TTBK2: variants seen among roughly 807,000 people sequenced by gnomAD.
TTBK2 encodes tau tubulin kinase 2.
Under a neutral mutation model 110.8 loss-of-function variants are expected in TTBK2, and 28 were observed. The ratio of observed to expected loss-of-function variants is 0.25; its 90% confidence interval spans 0.19 to 0.35. The LOEUF (loss-of-function observed/expected upper bound fraction) is 0.35, where lower values mean the gene tolerates loss of function less well. Ranked by LOEUF, TTBK2 falls within the 10% of genes least tolerant of loss-of-function variation. The pLI is 1.00. For synonymous variants in TTBK2, 532 were observed against 527.3 expected, an observed-to-expected ratio of 1.01 and a Z score of -0.12; for missense variants, 1,369 against 1,500.3, an observed-to-expected ratio of 0.91 and a Z score of 1.45.
chr15:42,802,828 C>T (rs928327666), intron 9 of TTBK2, among the ~76,000 whole-genome samples: 6 of 152,188 alleles, frequency 3.9e-5, no homozygotes, highest in Admixed American at 6.5e-5. Flanking sequence ...ACATTTGAAT[C>T]AGTGGGCTGG....
chr15:42,911,897 G>A (rs978190159), intron 1 of TTBK2, among the ~76,000 whole-genome samples: 1 of 152,144 alleles, frequency 6.6e-6, no homozygotes, highest in Non-Finnish European at 1.5e-5. Flanking sequence ...CCAGGCCACA[G>A]TGGAAGAACT....
chr15:42,783,384 GA>G (rs774323500), intron 11 of TTBK2, 34 bp downstream of exon 11: 2 of 1,599,868 alleles, frequency 1.3e-6, no homozygotes, highest in Non-Finnish European at 1.7e-6. Flanking sequence ...TGAACTGTAA[GA>G]AATAAATTTC....
chr15:42,845,308 G>A (rs1297469075), intron 3 of TTBK2, among the ~76,000 whole-genome samples: 1 of 152,100 alleles, frequency 6.6e-6, no homozygotes, highest in African/African-American at 2.4e-5. Context: ...TGGTATCCAT[G>A]GAGGACTGGT....
chr15:42,851,887 C>T (rs184536802), intron 3 of TTBK2, among the ~76,000 whole-genome samples: 14 of 152,132 alleles, frequency 9.2e-5, no homozygotes, highest in Admixed American at 7.9e-4. Flanking sequence ...ACCATTTACA[C>T]TCTTAAAAAT....
rs567972612 is a variant in TTBK2 at position 42,766,446 on chromosome 15, C to CAAAAAAAAAAAAAAAAAAAAAAA, written c.1998+8688_1998+8689insTTTTTTTTTTTTTTTTTTTTTTT. ...GAAGATCTACCAAGCGAATGGAAAG[C>CAAAAAAAAAAAAAAAAAAAAAAA]AAAAAAAAAAAAAAAAAAAAAGCAA... On this transcript the variant is annotated intron_variant, in intron 13 of 14. Transcript: ENST00000267890. Among the ~76,000 whole-genome samples, 4 of 30,858 alleles carry CAAAAAAAAAAAAAAAAAAAAAAA rather than the reference C, an allele frequency of 1.3e-4. 1 individual carries two copies. The highest frequency in any genetic ancestry group is 9.7e-4 in the African/African-American group (3 of 3,084). The allele number at this position is 30,858 out of a possible 152,430, so 20.2% of individuals were successfully genotyped here.
intron 9 of TTBK2, among the ~76,000 whole-genome samples, chr15:42,798,032 C>T (rs552784741): frequency 1.9e-3 from 290 of 152,186 alleles, no homozygotes; most frequent in African/African-American, 6.8e-3. Context: ...TACAGGCACA[C>T]GCCACCATGC....
intron 1 of TTBK2, among the ~76,000 whole-genome samples, chr15:42,916,318 T>C (rs1359699798): frequency 3.3e-5 from 5 of 152,166 alleles, no homozygotes; most frequent in Non-Finnish European, 5.9e-5. Flanking sequence ...TTATTGGTCA[T>C]TGAAAAATGT....
At position 42,810,863 on chromosome 15, in the gene TTBK2, G is replaced by A. The variant is rs970082232; in HGVS notation, c.697-124C>T. On this transcript the variant is annotated intron_variant, in intron 8 of 14. Coordinates refer to ENST00000267890, the MANE Select transcript of TTBK2 (RefSeq NM_173500.4). ...GAGATAGTGGGTAATTAAGCATAAAGCAAGAACTGAGCTCTTACTAACAGC... is the reference window on the plus strand; with the variant it reads ...GAGATAGTGGGTAATTAAGCATAAAACAAGAACTGAGCTCTTACTAACAGC... The A allele has an allele frequency of 8.0e-6, 9 of 1,131,764 alleles. No individual in the cohort carries two copies. The African/African-American group carries it at 1.2e-4, about 16-fold the overall frequency. 70.1% of individuals were successfully genotyped at this position (1,131,764 alleles called of 1,614,324 possible).
intron 4 of TTBK2, among the ~76,000 whole-genome samples, chr15:42,831,408 C>T (rs1459628965): frequency 6.6e-6 from 1 of 152,046 alleles, no homozygotes; most frequent in East Asian, 1.9e-4. Context: ...AGGTACTCAA[C>T]ATATGCTAAC....
chr15:42,823,240 G>T (rs570845920), intron 6 of TTBK2, among the ~76,000 whole-genome samples: 1 of 152,252 alleles, frequency 6.6e-6, no homozygotes, highest in East Asian at 1.9e-4. Flanking sequence ...CCAGCTGAAG[G>T]GCTGAAACTG....
chr15:42,801,106 A>G lies in TTBK2; in HGVS notation c.823-6305T>C, dbSNP rs1387634611. 9.4e-6 allele frequency: 8 copies of G among 849,660 alleles called. No individual in the cohort carries two copies. The East Asian group carries it at 1.9e-4, about 20-fold the overall frequency. 52.6% of individuals were successfully genotyped at this position (849,660 alleles called of 1,614,324 possible). A position where few individuals can be genotyped will look rare whatever the true frequency, so the allele number is the denominator to read the frequency against. On this transcript the variant is annotated intron_variant, in intron 9 of 14. Coordinates refer to ENST00000267890, the MANE Select transcript of TTBK2 (RefSeq NM_173500.4). The stretch of plus-strand genomic sequence containing the variant: ...GAGCCAAAGCTGGAGCCCAGGCCGT[A>G]GCTGAGGCCAGGGCTTGTGAGGCCC...
intron 13 of TTBK2, among the ~76,000 whole-genome samples, chr15:42,760,027 G>T (rs1209298001): frequency 9.2e-5 from 14 of 152,170 alleles, no homozygotes; most frequent in Non-Finnish European, 5.9e-5. Flanking sequence ...AACAATTCAT[G>T]ATTTCAATGA....
At chr15:42,770,897 T>C (rs1331921956) in intron 13 of TTBK2, among the ~76,000 whole-genome samples, 1 of 152,172 alleles carries the variant, frequency 6.6e-6, no homozygotes, top group Admixed American at 6.5e-5. Context: ...ACAGTCACTG[T>C]AGTTTATACA....
chr15:42,920,748 C>G lies in TTBK2; in HGVS notation c.-378G>C, dbSNP rs1049548466. 6.5e-6 allele frequency: 1 copy of G among 154,128 alleles called. No individual in the cohort carries two copies. The highest frequency in any genetic ancestry group is 1.4e-5 in the Non-Finnish European group (1 of 69,158). The allele number at this position is 154,128 out of a possible 1,614,324, so 9.5% of individuals were successfully genotyped here. ...TGCCGCCGCCGCCGCCTCGTCCCCA[C>G]CGCTCCCATCGCCGCTGCGGCGACT... On this transcript the variant is annotated 5_prime_UTR_variant, in exon 1 of 15. Coordinates refer to ENST00000267890, the MANE Select transcript of TTBK2 (RefSeq NM_173500.4).
intron 1 of TTBK2, among the ~76,000 whole-genome samples, chr15:42,881,500 C>A (rs1895049288): frequency 6.6e-6 from 1 of 151,416 alleles, no homozygotes; most frequent in African/African-American, 2.4e-5. Flanking sequence ...GAAAAATATT[C>A]CAAAAAATAA....
chr15:42,802,026 C>G, intron 9 of TTBK2: 1 of 1,485,572 alleles, frequency 6.7e-7, no homozygotes, highest in Non-Finnish European at 9.3e-7. Context: ...GAGCCATCTT[C>G]TGCTGCTGCA....
intron 9 of TTBK2, among the ~76,000 whole-genome samples, chr15:42,795,488 T>C (rs902888169): frequency 2.6e-5 from 4 of 152,166 alleles, no homozygotes; most frequent in Non-Finnish European, 5.9e-5. Context: ...TCCAATTTTA[T>C]GATTATAGCT....
At chr15:42,753,821 T>C (rs1354905617) in intron 13 of TTBK2, among the ~76,000 whole-genome samples, 2 of 152,226 alleles carry the variant, frequency 1.3e-5, no homozygotes, top group Non-Finnish European at 2.9e-5. Context: ...ACTGGCTCTC[T>C]TAACTCTGCC....
Position 42,744,681 on chromosome 15 carries a change from G to A in TTBK2, c.*1114C>T, listed in dbSNP as rs541966678. On this transcript the variant is annotated 3_prime_UTR_variant, in exon 15 of 15. Transcript: ENST00000267890. ...AAGCAGGTAATAAAACATTAAAAAAGAAATATTTGCCTAAATTTATTTCCC... is the reference window on the plus strand; with the variant it reads ...AAGCAGGTAATAAAACATTAAAAAAAAAATATTTGCCTAAATTTATTTCCC... 6.6e-6 allele frequency: 1 copy of A among 152,014 alleles called. No homozygotes were observed. Among genetic ancestry groups the A allele is most frequent in the Non-Finnish European group, 1.5e-5 (1 of 67,974 alleles). 9.4% of individuals were successfully genotyped at this position (152,014 alleles called of 1,614,324 possible).
Sources: allele counts gnomAD v4.1 joint callset (sites outside exome capture counted in the v4.1 genomes callset), GRCh38; gene constraint gnomAD v4.1.1; transcripts MANE v1.5; gene names NCBI Gene and HGNC (gene_info 2026-07-23, HGNC 2026-07-21).